CNTN4: variants seen among roughly 807,000 people sequenced by gnomAD.
The protein encoded by CNTN4 is contactin 4.
A neutral mutation model predicts 122.5 loss-of-function variants in CNTN4; 77 were observed. That is an observed-to-expected ratio of 0.63 (90% confidence interval 0.52 to 0.76). The LOEUF is 0.76. Ranked by LOEUF, CNTN4 falls within the 30% of genes least tolerant of loss-of-function variation. The probability of loss-of-function intolerance (pLI) is 0.00; values close to 1 mark genes in which losing one functional copy is unlikely to be tolerated. For synonymous variants in CNTN4, 512 were observed against 447.0 expected (o/e 1.15, Z -1.83); for missense variants, 1,256 against 1,259.1 (o/e 1.00, Z 0.04).
chr3:2,962,882 T>G (rs999982536), intron 13 of CNTN4, among the ~76,000 whole-genome samples: 1 of 152,250 alleles, frequency 6.6e-6, no homozygotes, highest in African/African-American at 2.4e-5. Context: ...CCCATCCGTC[T>G]TGTTCCTGTG....
chr3:2,353,113 T>C (rs1378109840), intron 3 of CNTN4, among the ~76,000 whole-genome samples: 1 of 151,964 alleles, frequency 6.6e-6, no homozygotes, highest in Non-Finnish European at 1.5e-5. Flanking sequence ...AGCCGGAGGA[T>C]TGTATATGTA....
intron 7 of CNTN4, among the ~76,000 whole-genome samples, chr3:2,842,911 A>G (rs952739102): frequency 4.0e-5 from 6 of 151,860 alleles, no homozygotes; most frequent in South Asian, 4.2e-4. Context: ...AAAGTAAAGT[A>G]TAAGTGTCCT....
chr3:2,656,510 C>T (rs1182594974), intron 4 of CNTN4, among the ~76,000 whole-genome samples: 2 of 152,222 alleles, frequency 1.3e-5, no homozygotes, highest in Admixed American at 1.3e-4. Context: ...ATGAAGACAG[C>T]AACTATGTCT....
chr3:2,722,160 C>T (rs576798873), intron 4 of CNTN4, among the ~76,000 whole-genome samples: 1 of 152,300 alleles, frequency 6.6e-6, no homozygotes, highest in Non-Finnish European at 1.5e-5. Flanking sequence ...CAGTGTTCTT[C>T]CTAGATTCTC....
intron 2 of CNTN4, among the ~76,000 whole-genome samples, chr3:2,321,700 TA>T (rs1167085863): frequency 6.6e-6 from 1 of 152,112 alleles, no homozygotes; most frequent in African/African-American, 2.4e-5. Flanking sequence ...TTTCTCTTTG[TA>T]AAACAATTGA....
At chr3:2,433,926 G>T (rs2151222799) in intron 3 of CNTN4, among the ~76,000 whole-genome samples, 1 of 152,234 alleles carries the variant, frequency 6.6e-6, no homozygotes, top group Admixed American at 6.5e-5. Flanking sequence ...AATACCATAT[G>T]ATTTGACTTG....
In CNTN4 at chr3:2,167,547, A is replaced by C. The variant is rs184332800; in HGVS notation, c.-145+66908A>C. Among the ~76,000 whole-genome samples the C allele has an allele frequency of 1.1e-3, 161 of 152,288 alleles. 2 individuals are homozygous for C. Among genetic ancestry groups the C allele is most frequent in the African/African-American group, 3.6e-3 (151 of 41,580 alleles). On this transcript the variant is annotated intron_variant, in intron 2 of 24. Transcript: ENST00000418658. ...AAGAAATTAACAAAACTATTACCAG[A>C]CTGGGAAATTTTAATACATCTCTCA...
chr3:2,736,232 G>T lies in CNTN4; in HGVS notation c.73G>T (p.Gly25Cys). The part of the protein sequence containing the change: ...LCLADDSTLH[G>C]PIFIQEPSPV... ...CATTTCAGATGATTCCACACTGCAT[G>T]GCCCGATTTTTATTCAAGAACCAAG... The change falls in exon 5 of 25, where the codon GGC (glycine) becomes TGC (cysteine). Residue 25 changes from glycine to cysteine, a missense_variant. Physicochemically the swap from Gly to Cys is radical, Grantham distance 159 (BLOSUM62 -3). Coordinates refer to ENST00000418658, the MANE Select transcript of CNTN4 (RefSeq NM_175607.3). 2.5e-6 allele frequency: 4 copies of T among 1,613,502 alleles called. No homozygotes were observed. The highest frequency in any genetic ancestry group is 3.4e-6 in the Non-Finnish European group (4 of 1,179,706).
intron 2 of CNTN4, among the ~76,000 whole-genome samples, chr3:2,235,432 A>C (rs1028405917): frequency 1.3e-5 from 2 of 152,146 alleles, no homozygotes; most frequent in African/African-American, 4.8e-5. Flanking sequence ...AATATTTAAA[A>C]ATTTTGACAT....
At chr3:2,866,690 T>A in intron 7 of CNTN4, 62 bp from the exon 8 acceptor site, 1 of 1,472,090 alleles carries the variant, frequency 6.8e-7, no homozygotes, top group South Asian at 1.1e-5. Context: ...ATTTCTTTCA[T>A]GAAAACAGTA....
chr3:2,808,617 G>A (rs774956532), intron 6 of CNTN4, among the ~76,000 whole-genome samples: 1 of 152,134 alleles, frequency 6.6e-6, no homozygotes, highest in Admixed American at 6.6e-5. Context: ...AATTTGCAAG[G>A]AGTTGTTTCA....
intron 4 of CNTN4, among the ~76,000 whole-genome samples, chr3:2,716,493 T>C (rs1453694336): frequency 6.6e-6 from 1 of 152,140 alleles, no homozygotes; most frequent in Non-Finnish European, 1.5e-5. Context: ...TGTATGATTA[T>C]GTATGTGTCA....
At chr3:2,461,218 C>A (rs966764453) in intron 3 of CNTN4, among the ~76,000 whole-genome samples, 1 of 152,158 alleles carries the variant, frequency 6.6e-6, no homozygotes, top group South Asian at 2.1e-4. Context: ...TAACTTAGTT[C>A]TCCTCCCTTG....
At chr3:2,575,387 T>C (rs2079613874) in intron 4 of CNTN4, among the ~76,000 whole-genome samples, 1 of 151,930 alleles carries the variant, frequency 6.6e-6, no homozygotes, top group Non-Finnish European at 1.5e-5. Flanking sequence ...GGTGCACGTC[T>C]ATAATGTCAG....
At chr3:2,855,454 C>G (rs2093607967) in intron 7 of CNTN4, among the ~76,000 whole-genome samples, 2 of 152,120 alleles carry the variant, frequency 1.3e-5, no homozygotes, top group South Asian at 4.1e-4. Flanking sequence ...GTCAGAGGCA[C>G]CAAATGAGAT....
At chr3:2,120,407 T>A (rs898367045) in intron 2 of CNTN4, among the ~76,000 whole-genome samples, 1,840 of 31,218 alleles carry the variant, frequency 0.059, 26 homozygotes, top group East Asian at 0.084. Context: ...ATATATATAT[T>A]TTTTTTTTTT....
At chr3:2,763,927 C>G (rs954326166) in intron 6 of CNTN4, among the ~76,000 whole-genome samples, 1 of 148,880 alleles carries the variant, frequency 6.7e-6, no homozygotes. Context: ...ATGCCTCCAG[C>G]TTTGTTATTT....
At chr3:2,782,464 TC>T in intron 6 of CNTN4, among the ~76,000 whole-genome samples, 1 of 126,300 alleles carries the variant, frequency 7.9e-6, no homozygotes, top group South Asian at 3.1e-4. Context: ...ACCTTCTTAT[TC>T]TGTGTGTGTG....
chr3:2,634,947 G>A (rs2082599363), intron 4 of CNTN4, among the ~76,000 whole-genome samples: 1 of 152,066 alleles, frequency 6.6e-6, no homozygotes, highest in African/African-American at 2.4e-5. Flanking sequence ...TTGGGGTGAA[G>A]ATTTTATTCT....
Sources: gnomAD v4.1 joint callset for allele counts (sites outside exome capture counted in the v4.1 genomes callset) on GRCh38, gnomAD v4.1.1 for gene constraint, MANE v1.5 for transcripts, NCBI Gene and HGNC (gene_info 2026-07-23, HGNC 2026-07-21) for gene names.